Variants in WWP2 observed in about 807,000 individuals in gnomAD.
WWP2 encodes WW domain containing E3 ubiquitin protein ligase 2.
Under a neutral mutation model 121.0 loss-of-function variants are expected in WWP2, and 57 were observed. That is an observed-to-expected ratio of 0.47 (90% confidence interval 0.38 to 0.59). WWP2 has a LOEUF of 0.59. Ranked by LOEUF, WWP2 falls within the 20% of genes least tolerant of loss-of-function variation. The pLI is 0.00. For missense variants in WWP2, 962 were observed against 1,158.9 expected (o/e 0.83, Z 2.47); for synonymous variants, 449 against 441.3 (o/e 1.02, Z -0.22).
At chr16:69,906,154 G>A (rs1322615162) in intron 8 of WWP2, among the ~76,000 whole-genome samples, 1 of 151,576 alleles carries the variant, frequency 6.6e-6, no homozygotes, top group Non-Finnish European at 1.5e-5. Flanking sequence ...CTCACTGCAA[G>A]CTCCGCCTTC....
chr16:69,936,850 C>T (rs941689126), intron 19 of WWP2: 13 of 485,846 alleles, frequency 2.7e-5, no homozygotes, highest in East Asian at 3.7e-5. Context: ...TTTATCTCCA[C>T]GCTTCCATAC....
intron 6 of WWP2, among the ~76,000 whole-genome samples, chr16:69,863,244 A>G (rs1254423086): frequency 6.6e-6 from 1 of 152,188 alleles, no homozygotes; most frequent in Non-Finnish European, 1.5e-5. Context: ...TTTTTAAATT[A>G]TTAAGTTACT....
chr16:69,779,853 A>T (rs1298226856), intron 1 of WWP2, among the ~76,000 whole-genome samples: 1 of 152,242 alleles, frequency 6.6e-6, no homozygotes, highest in Non-Finnish European at 1.5e-5. Context: ...TTCCTGCATT[A>T]TTCAAGATAC....
In WWP2 at chr16:69,940,761, G is replaced by A. The variant is rs535886334; in HGVS notation, c.*821G>A. On this transcript the variant is annotated 3_prime_UTR_variant, in exon 24 of 24. Coordinates refer to ENST00000359154, the MANE Select transcript of WWP2 (RefSeq NM_001270454.2). ...GTCCAAGAGTTTCCCAAACAGCCAC[G>A]CCTCTCAGGAACCCACCTGGCGGTT... The A allele has an allele frequency of 3.9e-5, 6 of 153,070 alleles. No homozygotes were observed. Among genetic ancestry groups the A allele is most frequent in the African/African-American group, 1.4e-4 (6 of 41,564 alleles). The allele number at this position is 153,070 out of a possible 1,614,324, so 9.5% of individuals were successfully genotyped here.
At chr16:69,856,300 G>A (rs1011970444) in intron 6 of WWP2, among the ~76,000 whole-genome samples, 1 of 152,130 alleles carries the variant, frequency 6.6e-6, no homozygotes, top group Non-Finnish European at 1.5e-5. Flanking sequence ...TGGGGGCATT[G>A]GAGGAGGGAT....
At chr16:69,803,839 C>T (rs1178266870) in intron 4 of WWP2, among the ~76,000 whole-genome samples, 2 of 151,996 alleles carry the variant, frequency 1.3e-5, no homozygotes, top group Admixed American at 6.6e-5. Context: ...ACCTGGGAGG[C>T]GAAGGTTGCA....
Position 69,906,289 on chromosome 16 carries a change from A to G in WWP2, c.915-2472A>G, listed in dbSNP as rs372687880. 5.3e-4 allele frequency among the ~76,000 whole-genome samples: 81 copies of G among 151,980 alleles called. 1 individual carries two copies. Among genetic ancestry groups the G allele is most frequent in the Non-Finnish European group, 6.6e-4 (45 of 67,940 alleles). ...GGGTTTTACTGTGTTAGCCAGGATG[A>G]TCTTGATCTCCTGACCTTGTGATCT... On this transcript the variant is annotated intron_variant, in intron 8 of 23. Coordinates refer to ENST00000359154, the MANE Select transcript of WWP2 (RefSeq NM_001270454.2).
chr16:69,840,190 A>G lies in WWP2; in HGVS notation c.405A>G (p.Gly135=), dbSNP rs2056951459. Residue 135 remains glycine (G), a synonymous_variant, in exon 5 of 24, where the codon GGA becomes GGG. Transcript: ENST00000359154. ...TENKGSVVSG[G]ELTIFLDGPT... ...ACAAAGGCAGCGTTGTCTCAGGCGGAGAGCTGACAATTTTCCTGGACGGGC... is the reference window on the plus strand; with the variant it reads ...ACAAAGGCAGCGTTGTCTCAGGCGGGGAGCTGACAATTTTCCTGGACGGGC... 5 of 1,614,218 alleles carry G rather than the reference A, an allele frequency of 3.1e-6. No individual in the cohort carries two copies. Among genetic ancestry groups the G allele is most frequent in the Middle Eastern group, 1.6e-4 (1 of 6,062 alleles).
At chr16:69,823,107 C>T (rs972610305) in intron 4 of WWP2, among the ~76,000 whole-genome samples, 3 of 151,936 alleles carry the variant, frequency 2.0e-5, no homozygotes, top group Non-Finnish European at 4.4e-5. Context: ...CTCCAGCCTG[C>T]GCAACAGAGC....
chr16:69,803,777 G>T (rs1265420895), intron 4 of WWP2, among the ~76,000 whole-genome samples: 2 of 152,132 alleles, frequency 1.3e-5, no homozygotes, highest in African/African-American at 2.4e-5. Flanking sequence ...GCACAGTGGC[G>T]CACGCCTGTA....
At chr16:69,780,793 C>T (rs1431059446) in intron 1 of WWP2, among the ~76,000 whole-genome samples, 3 of 152,034 alleles carry the variant, frequency 2.0e-5, no homozygotes, top group East Asian at 1.9e-4. Context: ...TGCCTGAGGC[C>T]AGGAGTTCAA....
In WWP2 at chr16:69,927,073, C is replaced by T. The variant is rs1014721026; in HGVS notation, c.1234+1589C>T. Reference sequence around the variant, plus strand: ...ATATTTGAGATAGAAATGGAGGAGCCGTGGTCAGAGTCGATACTGTTAATG... The same window carrying T: ...ATATTTGAGATAGAAATGGAGGAGCTGTGGTCAGAGTCGATACTGTTAATG... On this transcript the variant is annotated intron_variant, in intron 11 of 23. Transcript: ENST00000359154. Among the ~76,000 whole-genome samples the T allele has an allele frequency of 5.9e-5, 9 of 152,198 alleles. No individual in the cohort carries two copies. The East Asian group carries it at 1.5e-3, about 26-fold the overall frequency.
rs781213004 is a variant in WWP2 at position 69,936,408 on chromosome 16, C to A, written c.2073C>A (p.Gly691=). The change falls in exon 19 of 24, where the codon GGC becomes GGA. Residue 691 remains glycine, a synonymous_variant. Coordinates refer to ENST00000359154, the MANE Select transcript of WWP2 (RefSeq NM_001270454.2). ...KVTTHELKEG[G]ESIRVTEENK... ...CGACCCACGAGCTGAAGGAGGGCGG[C>A]GAGAGCATCCGGGTCACAGAGGAGA... The A allele has an allele frequency of 6.2e-7, 1 of 1,614,050 alleles. No homozygotes were observed. The highest frequency in any genetic ancestry group is 8.5e-7 in the Non-Finnish European group (1 of 1,180,020).
At chr16:69,839,438 C>G (rs1022574204) in intron 4 of WWP2, among the ~76,000 whole-genome samples, 5 of 152,206 alleles carry the variant, frequency 3.3e-5, no homozygotes, top group Non-Finnish European at 7.3e-5. Context: ...CTTGGTGCTT[C>G]TGCCTCCAGT....
intron 8 of WWP2, among the ~76,000 whole-genome samples, chr16:69,901,398 A>C (rs1597133226): frequency 6.6e-6 from 1 of 152,242 alleles, no homozygotes; most frequent in East Asian, 1.9e-4. Context: ...AGGATGTGAA[A>C]GGGTTCAGGT....
chr16:69,852,855 T>C (rs1567380519), intron 6 of WWP2, among the ~76,000 whole-genome samples: 1 of 152,240 alleles, frequency 6.6e-6, no homozygotes, highest in Non-Finnish European at 1.5e-5. Context: ...ATTTTCATAT[T>C]GTCTGTGGCT....
At chr16:69,796,782 A>C (rs2056056443) in intron 2 of WWP2, among the ~76,000 whole-genome samples, 2 of 152,168 alleles carry the variant, frequency 1.3e-5, no homozygotes, top group Non-Finnish European at 2.9e-5. Context: ...CTTTGTCCCT[A>C]GTACTGTTCC....
chr16:69,907,517 C>A (rs2058312697), intron 8 of WWP2, among the ~76,000 whole-genome samples: 1 of 152,022 alleles, frequency 6.6e-6, no homozygotes, highest in South Asian at 2.1e-4. Context: ...ACATAAAGGC[C>A]CACAGCACCA....
At chr16:69,796,886 A>G (rs745696975) in intron 2 of WWP2, among the ~76,000 whole-genome samples, 2 of 152,244 alleles carry the variant, frequency 1.3e-5, no homozygotes, top group Non-Finnish European at 1.5e-5. Context: ...AGTTACTGCT[A>G]TAAAAAATCT....
Sources: allele counts gnomAD v4.1 joint callset (sites outside exome capture counted in the v4.1 genomes callset), GRCh38; gene constraint gnomAD v4.1.1; transcripts MANE v1.5; gene names NCBI Gene and HGNC (gene_info 2026-07-23, HGNC 2026-07-21).